Variants in CNTN1 observed in about 807,000 individuals in gnomAD.
CNTN1 encodes contactin 1.
A neutral mutation model predicts 126.4 loss-of-function variants in CNTN1; 38 were observed. That is an observed-to-expected ratio of 0.30 (90% CI 0.23 to 0.39). The LOEUF (loss-of-function observed/expected upper bound fraction) is 0.39. CNTN1 is among the 10% of genes least tolerant of loss of function. CNTN1 has a pLI of 1.00. For synonymous variants in CNTN1, 413 were observed against 422.6 expected (o/e 0.98, Z 0.28); for missense variants, 1,009 against 1,248.4 (o/e 0.81, Z 2.89).
chr12:40,869,707 T>A (rs1176739356), intron 1 of CNTN1, among the ~76,000 whole-genome samples: 1 of 152,162 alleles, frequency 6.6e-6, no homozygotes, highest in African/African-American at 2.4e-5. Context: ...AAATCTATAG[T>A]GGTTTTTCAT....
rs1296707846 is a variant in CNTN1, at chr12:41,027,989, A to G, written c.2823+20A>G. ...TATAAGGTATATACAAATAGTGATG[A>G]TTAATGTTTGCAATTCTTGCTATTT... On this transcript the variant is annotated intron_variant, in intron 22 of 23. Transcript: ENST00000551295. The G allele has an allele frequency of 6.7e-7, 1 of 1,482,056 alleles. No homozygotes were observed. Among genetic ancestry groups the G allele is most frequent in the African/African-American group, 1.4e-5 (1 of 72,140 alleles). 91.8% of individuals were successfully genotyped at this position (1,482,056 alleles called of 1,614,324 possible). A position where few individuals can be genotyped will look rare whatever the true frequency, so the allele number is the denominator to read the frequency against.
chr12:40,992,286 C>T (rs1008568557), intron 16 of CNTN1, among the ~76,000 whole-genome samples: 4 of 152,066 alleles, frequency 2.6e-5, no homozygotes, highest in East Asian at 1.9e-4. Flanking sequence ...TTGATGGACA[C>T]GTCATCTTTA....
intron 1 of CNTN1, among the ~76,000 whole-genome samples, chr12:40,903,301 C>T (rs1200522090): frequency 6.6e-6 from 1 of 152,054 alleles, no homozygotes; most frequent in African/African-American, 2.4e-5. Flanking sequence ...AATGCACCCC[C>T]AGTTCCTGCT....
At chr12:41,063,360 G>A (rs1224454050) in intron 23 of CNTN1, among the ~76,000 whole-genome samples, 2 of 152,184 alleles carry the variant, frequency 1.3e-5, no homozygotes, top group Non-Finnish European at 2.9e-5. Context: ...ACCAGAAAAC[G>A]TACTTTTCCA....
chr12:40,823,342 C>T (rs1357330290), intron 1 of CNTN1, among the ~76,000 whole-genome samples: 1 of 152,154 alleles, frequency 6.6e-6, no homozygotes, highest in Non-Finnish European at 1.5e-5. Context: ...GCTATGAAGT[C>T]ATAAATCCTG....
Position 40,742,061 on chromosome 12 carries a change from T to C in CNTN1, c.-77+49469T>C, listed in dbSNP as rs546047830. On this transcript the variant is annotated intron_variant, in intron 1 of 23. Coordinates refer to ENST00000551295, the MANE Select transcript of CNTN1 (RefSeq NM_001843.4). ...GAGACAAAACTCCTTCTATTTATAA[T>C]AGGGCTTTTTCTCAAGTCAGACAAA... is the stretch of plus-strand genomic sequence containing the variant. Among the ~76,000 whole-genome samples, 22 of 152,170 alleles carry C rather than the reference T, an allele frequency of 1.4e-4. No individual in the cohort carries two copies. The East Asian group carries it at 4.1e-3, about 28-fold the overall frequency.
At chr12:41,045,392 G>T (rs1403554383) in intron 23 of CNTN1, among the ~76,000 whole-genome samples, 1 of 152,032 alleles carries the variant, frequency 6.6e-6, no homozygotes, top group Non-Finnish European at 1.5e-5. Flanking sequence ...AGGGAGTTGG[G>T]TTTTAAATTT....
chr12:41,041,049 G>A, intron 23 of CNTN1, among the ~76,000 whole-genome samples: 2 of 144,588 alleles, frequency 1.4e-5, no homozygotes. Context: ...TTGGCTGTGG[G>A]TTTGTCATAG....
intron 1 of CNTN1, among the ~76,000 whole-genome samples, chr12:40,756,683 G>A (rs1938623235): frequency 6.6e-6 from 1 of 152,070 alleles, no homozygotes; most frequent in Non-Finnish European, 1.5e-5. Context: ...CAAATAGTTT[G>A]CTCCTCTTTA....
At chr12:40,699,616 ACTTTT>A (rs1409588890) in intron 1 of CNTN1, among the ~76,000 whole-genome samples, 5 of 152,226 alleles carry the variant, frequency 3.3e-5, no homozygotes, top group African/African-American at 1.2e-4. Flanking sequence ...AGTTAATTTC[ACTTTT>A]CTTTATTTAA....
At chr12:40,828,976 G>GT (rs1022644060) in intron 1 of CNTN1, among the ~76,000 whole-genome samples, 5 of 151,890 alleles carry the variant, frequency 3.3e-5, no homozygotes, top group Admixed American at 6.6e-5. Flanking sequence ...TTTATTTCTT[G>GT]TTTTTTTAAA....
At chr12:40,951,614 C>T (rs1295096051) in intron 14 of CNTN1, among the ~76,000 whole-genome samples, 2 of 145,524 alleles carry the variant, frequency 1.4e-5, no homozygotes, top group Non-Finnish European at 3.0e-5. Context: ...GAGGCTGAGG[C>T]ATGAGAATCA....
chr12:40,729,209 G>C, intron 1 of CNTN1: 1 of 197,392 alleles, frequency 5.1e-6, no homozygotes, highest in South Asian at 1.1e-4. Context: ...GATCAAAAGG[G>C]ATGCGACTTG....
intron 23 of CNTN1, among the ~76,000 whole-genome samples, chr12:41,031,922 T>G (rs1949152796): frequency 6.6e-6 from 1 of 152,196 alleles, no homozygotes; most frequent in Non-Finnish European, 1.5e-5. Flanking sequence ...ACAGGTTTTT[T>G]TCTAAATTTA....
intron 1 of CNTN1, among the ~76,000 whole-genome samples, chr12:40,806,191 G>A (rs571080190): frequency 7.2e-5 from 11 of 152,106 alleles, no homozygotes; most frequent in Admixed American, 5.2e-4. Context: ...TCAAGAGTGC[G>A]GGTTTTTCAG....
chr12:41,001,572 C>T (rs553326874), intron 17 of CNTN1, among the ~76,000 whole-genome samples: 2 of 152,156 alleles, frequency 1.3e-5, no homozygotes, highest in East Asian at 3.9e-4. Flanking sequence ...GTTGTAGTTT[C>T]CTTTGCTGTG....
chr12:40,973,893 A>G (rs1042194387), intron 15 of CNTN1, among the ~76,000 whole-genome samples: 1 of 152,180 alleles, frequency 6.6e-6, no homozygotes, highest in Non-Finnish European at 1.5e-5. Flanking sequence ...CTAGTCTTCT[A>G]TCCAATTTGA....
At chr12:40,829,854 A>T (rs1243394774) in intron 1 of CNTN1, among the ~76,000 whole-genome samples, 1 of 152,122 alleles carries the variant, frequency 6.6e-6, no homozygotes, top group African/African-American at 2.4e-5. Flanking sequence ...AATAAAATGG[A>T]ATCTAGAGGA....
chr12:41,031,216 A>C (rs915069259), intron 23 of CNTN1, among the ~76,000 whole-genome samples: 5 of 152,196 alleles, frequency 3.3e-5, no homozygotes, highest in African/African-American at 1.2e-4. Context: ...TAAACAGTAG[A>C]ATCACTAGGG....
Sources: gnomAD v4.1 joint callset for allele counts (sites outside exome capture counted in the v4.1 genomes callset) on GRCh38, gnomAD v4.1.1 for gene constraint, MANE v1.5 for transcripts, NCBI Gene and HGNC (gene_info 2026-07-23, HGNC 2026-07-21) for gene names.